Variants in ARHGAP5 observed in about 807,000 individuals in gnomAD.
The protein encoded by ARHGAP5 is Rho GTPase activating protein 5.
In ARHGAP5, 23 loss-of-function variants were observed where a neutral mutation model predicts 116.6. The observed-to-expected ratio is 0.20, with a 90% CI of 0.14 to 0.28. ARHGAP5 has a LOEUF of 0.28. Among genes scored for constraint, ARHGAP5 ranks in the 10% least tolerant of loss-of-function variants. The pLI, the probability that ARHGAP5 is intolerant of heterozygous loss-of-function variation, is 1.00. For missense variants in ARHGAP5, 1,405 were observed against 1,774.8 expected (o/e 0.79, Z 3.74); for synonymous variants, 574 against 602.0 (o/e 0.95, Z 0.68).
At chr14:32,082,828 C>T (rs1036296220) in intron 1 of ARHGAP5, among the ~76,000 whole-genome samples, 1 of 152,254 alleles carries the variant, frequency 6.6e-6, no homozygotes, top group African/African-American at 2.4e-5. Context: ...GCATGAGCCA[C>T]TGCACCTGGC....
chr14:32,090,729 C>T lies in ARHGAP5; in HGVS notation c.60C>T (p.Leu20=). 1 of 1,613,474 alleles carries T rather than the reference C, an allele frequency of 6.2e-7. No homozygotes were observed. The highest frequency in any genetic ancestry group is 8.5e-7 in the Non-Finnish European group (1 of 1,179,574). ...CCTATACCATCAGTATAGTTGGACTCTCTGGGACTGAAAAAGACAAAGGTA... is the reference window on the plus strand; with the variant it reads ...CCTATACCATCAGTATAGTTGGACTTTCTGGGACTGAAAAAGACAAAGGTA... The part of the protein sequence containing the change: ...PPSYTISIVG[L]SGTEKDKGNC... Residue 20 remains leucine (L), a synonymous_variant, in exon 2 of 7, where the codon CTC becomes CTT. Transcript: ENST00000345122.
chr14:32,138,563 C>T (rs536720585), intron 3 of ARHGAP5, among the ~76,000 whole-genome samples: 39 of 152,282 alleles, frequency 2.6e-4, no homozygotes, highest in African/African-American at 8.9e-4. Flanking sequence ...GGATTACAGG[C>T]GTGAGCCACT....
chr14:32,123,120 A>G (rs1160892625), intron 3 of ARHGAP5, among the ~76,000 whole-genome samples: 2 of 151,958 alleles, frequency 1.3e-5, no homozygotes, highest in East Asian at 3.9e-4. Flanking sequence ...CTTTAAGATT[A>G]TTCTCTCTAG....
chr14:32,096,398 A>G (rs138766395), intron 2 of ARHGAP5, among the ~76,000 whole-genome samples: 109 of 152,346 alleles, frequency 7.2e-4, no homozygotes, highest in Middle Eastern at 3.4e-3. Context: ...GTAAAGGCTA[A>G]AAGCTGATTA....
rs1396192441 is a variant in ARHGAP5, at chr14:32,093,215, A to G, written c.2546A>G (p.His849Arg). ...SIGVRKDELV[H>R]GYILVYSAKR... ...GGAGTAAGAAAAGATGAACTAGTTC[A>G]TGGGTATATATTAGTTTACTCTGCA... Residue 849 changes from histidine to arginine, a missense_variant, in exon 2 of 7, where the codon CAT becomes CGT. Physicochemically the swap from His to Arg is conservative, Grantham distance 29 (BLOSUM62 0). Transcript: ENST00000345122. 15 of 1,614,042 alleles carry G rather than the reference A, an allele frequency of 9.3e-6. No individual in the cohort carries two copies. The highest frequency in any genetic ancestry group is 1.3e-5 in the Non-Finnish European group (15 of 1,179,938).
rs1442257551 is a variant in ARHGAP5, at chr14:32,092,334, A to C, written c.1665A>C (p.Glu555Asp). The C allele has an allele frequency of 6.2e-7, 1 of 1,613,848 alleles. No homozygotes were observed. The highest frequency in any genetic ancestry group is 8.5e-7 in the Non-Finnish European group (1 of 1,179,814). Residue 555 changes from glutamate (E) to aspartate (D), a missense_variant, in exon 2 of 7, where the codon GAA becomes GAC. Around this residue, in one of 6 missense-constraint regions of ARHGAP5, gnomAD observed 944 missense variants for 1,095.3 expected, o/e 0.86. Coordinates refer to ENST00000345122, the MANE Select transcript of ARHGAP5 (RefSeq NM_001030055.2). This position sits in a 1 kb window ranked among gnomAD's most constrained non-coding sequence, Gnocchi z 4.1. ...HIGFVYHPTK[E>D]TCLSGQNCTD... ...GATTTGTTTATCATCCCACTAAAGA[A>C]ACATGTCTTAGTGGCCAAAATTGTA...
chr14:32,119,586 C>T (rs1879781419), intron 3 of ARHGAP5, among the ~76,000 whole-genome samples: 1 of 152,104 alleles, frequency 6.6e-6, no homozygotes. Context: ...TCATTCACCG[C>T]TAAAAGCATC....
At chr14:32,098,230 C>T (rs1226373355) in intron 2 of ARHGAP5, among the ~76,000 whole-genome samples, 1 of 152,170 alleles carries the variant, frequency 6.6e-6, no homozygotes, top group Non-Finnish European at 1.5e-5. Context: ...AACTTCAAGA[C>T]AGTGTGTTAC....
At chr14:32,120,733 G>A (rs190177541) in intron 3 of ARHGAP5, among the ~76,000 whole-genome samples, 1 of 151,718 alleles carries the variant, frequency 6.6e-6, no homozygotes, top group African/African-American at 2.4e-5. Flanking sequence ...TTTGATTCCA[G>A]GTTAAGTTTA....
intron 2 of ARHGAP5, among the ~76,000 whole-genome samples, chr14:32,100,092 T>C (rs1878721633): frequency 6.6e-6 from 1 of 152,236 alleles, no homozygotes; most frequent in South Asian, 2.1e-4. Flanking sequence ...CTTAACTTTA[T>C]TGTACATTGT....
intron 2 of ARHGAP5, among the ~76,000 whole-genome samples, chr14:32,106,429 A>G (rs1879023127): frequency 6.6e-6 from 1 of 152,158 alleles, no homozygotes; most frequent in African/African-American, 2.4e-5. Context: ...TGGGTATACT[A>G]TTTTAAATCC....
chr14:32,152,817 C>T (rs1163817034), intron 6 of ARHGAP5, among the ~76,000 whole-genome samples: 4 of 152,010 alleles, frequency 2.6e-5, no homozygotes, highest in Non-Finnish European at 4.4e-5. Context: ...CCAGATTGAC[C>T]TATTTGGAGT....
intron 3 of ARHGAP5, among the ~76,000 whole-genome samples, chr14:32,134,792 TAAG>T (rs1264587471): frequency 6.6e-6 from 1 of 152,242 alleles, no homozygotes. Context: ...AGTGTATCTT[TAAG>T]TAGTTTGAGT....
Position 32,093,869 on chromosome 14 carries a change from G to A in ARHGAP5, c.3200G>A (p.Gly1067Asp), listed in dbSNP as rs1279413632. The change falls in exon 2 of 7, where the codon GGT becomes GAT. Residue 1067 changes from glycine (G) to aspartate (D), a missense_variant. Gly to Asp is a moderately conservative substitution (Grantham distance 94). Coordinates refer to ENST00000345122, the MANE Select transcript of ARHGAP5 (RefSeq NM_001030055.2). ...NLLKTIEAGI[G>D]KNPRKQTSRV... ...TTAAAAACAATTGAAGCTGGTATTG[G>A]TAAAAATCCAAGAAAGCAGACTTCC... 6.2e-7 allele frequency: 1 copy of A among 1,614,010 alleles called. No individual in the cohort carries two copies. The highest frequency in any genetic ancestry group is 1.1e-5 in the South Asian group (1 of 91,048).
chr14:32,134,634 T>C (rs1880690502), intron 3 of ARHGAP5, among the ~76,000 whole-genome samples: 1 of 152,174 alleles, frequency 6.6e-6, no homozygotes, highest in East Asian at 1.9e-4. Flanking sequence ...TCAGGGACAA[T>C]ATATTTTATG....
At chr14:32,095,443 G>C (rs1389276389) in intron 2 of ARHGAP5, among the ~76,000 whole-genome samples, 1 of 126,750 alleles carries the variant, frequency 7.9e-6, no homozygotes, top group Non-Finnish European at 1.6e-5. Flanking sequence ...ATGGAGTTTC[G>C]CTCTTGTTTC....
intron 2 of ARHGAP5, among the ~76,000 whole-genome samples, chr14:32,102,473 C>A (rs1240050661): frequency 5.3e-5 from 8 of 152,156 alleles, no homozygotes; most frequent in Non-Finnish European, 1.2e-4. Flanking sequence ...TCACTTGAAC[C>A]CAAGAGTTTG....
intron 1 of ARHGAP5, 146 bp downstream of exon 1, chr14:32,077,581 T>A: frequency 1.8e-6 from 1 of 551,428 alleles, no homozygotes; most frequent in South Asian, 2.2e-5. Flanking sequence ...GAGGGGAGCC[T>A]GGCGCTGCGC....
At chr14:32,118,793 C>A (rs1879734722) in intron 3 of ARHGAP5, among the ~76,000 whole-genome samples, 1 of 152,098 alleles carries the variant, frequency 6.6e-6, no homozygotes, top group South Asian at 2.1e-4. Context: ...CCTATGGATA[C>A]AACTGAACAA....
Sources: allele counts gnomAD v4.1 joint callset (sites outside exome capture counted in the v4.1 genomes callset), GRCh38; gene constraint gnomAD v4.1.1; regional missense constraint gnomAD v4.1.1; non-coding constraint Gnocchi (gnomAD v3.1); transcripts MANE v1.5; gene names NCBI Gene and HGNC (gene_info 2026-07-23, HGNC 2026-07-21).